The following TRDMT1 variants were observed in gnomAD, a reference collection of about 807,000 sequenced individuals.
TRDMT1 encodes the protein tRNA aspartic acid methyltransferase 1.
Under a neutral mutation model 51.2 loss-of-function variants are expected in TRDMT1, and 49 were observed. That is an observed-to-expected ratio of 0.96 (90% confidence interval 0.76 to 1.21). The LOEUF (loss-of-function observed/expected upper bound fraction) is 1.21, where lower values mean the gene tolerates loss of function less well. TRDMT1 is among the 50% of genes most tolerant of loss of function. The pLI is 0.00. For synonymous variants in TRDMT1, 187 were observed against 164.6 expected (o/e 1.14, Z -1.04); for missense variants, 534 against 462.3 (o/e 1.16, Z -1.42).
chr10:17,169,503 G>A (rs1254744516), intron 2 of TRDMT1: 1 of 1,289,770 alleles, frequency 7.8e-7, no homozygotes, highest in South Asian at 1.2e-5. Context: ...TTCCTAATGG[G>A]CTAAGTAGCT....
Position 17,148,722 on chromosome 10 carries a change from T to C in TRDMT1, c.*318A>G. On this transcript the variant is annotated 3_prime_UTR_variant, in exon 11 of 11. Transcript: ENST00000377799. ...GTTATGACACTTCACAAGATACTCA[T>C]GTAGACACTAAAGCTCTAGTGCTCC... 1.0e-6 allele frequency: 1 copy of C among 1,004,860 alleles called. No homozygotes were observed. Among genetic ancestry groups the C allele is most frequent in the South Asian group, 4.4e-5 (1 of 22,570 alleles). 62.2% of individuals were successfully genotyped at this position (1,004,860 alleles called of 1,614,324 possible).
At position 17,148,344 on chromosome 10, in the gene TRDMT1, T is replaced by C. The variant is rs1838296503; in HGVS notation, c.*696A>G. 7.1e-6 allele frequency: 7 copies of C among 985,386 alleles called. No individual in the cohort carries two copies. The highest frequency in any genetic ancestry group is 8.4e-6 in the Non-Finnish European group (7 of 829,910). 61.0% of individuals were successfully genotyped at this position (985,386 alleles called of 1,614,324 possible). A position where few individuals can be genotyped will look rare whatever the true frequency, so the allele number is the denominator to read the frequency against. On this transcript the variant is annotated 3_prime_UTR_variant, in exon 11 of 11. Coordinates refer to ENST00000377799, the MANE Select transcript of TRDMT1 (RefSeq NM_004412.7). ...CTGAGAAGACAAAAACAAGCTTTGA[T>C]AATAGTCAACTAAAGGAAAGTACAT...
At position 17,157,532 on chromosome 10, in the gene TRDMT1, A is replaced by G. The variant is rs764588311; in HGVS notation, c.796T>C (p.Tyr266His). 6.2e-7 allele frequency: 1 copy of G among 1,614,078 alleles called. No homozygotes were observed. Among genetic ancestry groups the G allele is most frequent in the East Asian group, 2.2e-5 (1 of 44,860 alleles). The part of the protein sequence containing the change: ...FLEDDTDVNQ[Y>H]LLPPKSLLRY... ...AGCAATGACTTTGGTGGTAAAAGAT[A>G]CTGGTTCACGTCAGTGTCATCTTCA... Residue 266 changes from tyrosine (Y) to histidine (H), a missense_variant, in exon 8 of 11, where the codon TAT becomes CAT. By Grantham distance (83) the Tyr-to-His change is moderately conservative (BLOSUM62 2). Transcript: ENST00000377799.
intron 6 of TRDMT1, 119 bp downstream of exon 6, chr10:17,160,186 T>C: frequency 1.9e-6 from 1 of 536,664 alleles, no homozygotes; most frequent in African/African-American, 2.0e-5. Context: ...TAAACTATTT[T>C]CAGTTTACCT....
At position 17,141,158 on chromosome 10, in the gene TRDMT1, T is replaced by G. The variant is rs965840749; in HGVS notation, c.*7882A>C. On this transcript the variant is annotated 3_prime_UTR_variant, in exon 11 of 11. Coordinates refer to ENST00000377799, the MANE Select transcript of TRDMT1 (RefSeq NM_004412.7). ...CAACGTGTCATTTTTCTCCAGCTGC[T>G]TTTATTTATTTATTTATTTTTTTGA... 6.6e-6 allele frequency among the ~76,000 whole-genome samples: 1 copy of G among 152,138 alleles called. No individual in the cohort carries two copies. The highest frequency in any genetic ancestry group is 1.9e-4 in the East Asian group (1 of 5,182).
chr10:17,153,851 A>T (rs1839121753), intron 9 of TRDMT1, among the ~76,000 whole-genome samples: 1 of 152,216 alleles, frequency 6.6e-6, no homozygotes, highest in African/African-American at 2.4e-5. Context: ...CATTCAACAG[A>T]TCAGGATATT....
rs1837487579 is a variant in TRDMT1, at chr10:17,138,466, C to T, written c.*10574G>A. On this transcript the variant is annotated 3_prime_UTR_variant, in exon 11 of 11. Transcript: ENST00000377799. Reference sequence around the variant, plus strand: ...TAAAATAATGATGGAAATCAAGGTACATTTAAAACTATTCTTTTGCTCATT... The same window carrying T: ...TAAAATAATGATGGAAATCAAGGTATATTTAAAACTATTCTTTTGCTCATT... Among the ~76,000 whole-genome samples, 1 of 152,136 alleles carries T rather than the reference C, an allele frequency of 6.6e-6. No homozygotes were observed. Among genetic ancestry groups the T allele is most frequent in the Admixed American group, 6.5e-5 (1 of 15,276 alleles).
chr10:17,190,556 T>A (rs1294436330), intron 1 of TRDMT1, among the ~76,000 whole-genome samples: 2 of 152,046 alleles, frequency 1.3e-5, no homozygotes, highest in Admixed American at 6.6e-5. Flanking sequence ...ATTTTGACAA[T>A]ATTTAAAATG....
chr10:17,162,247 T>TTAAAAAA lies in TRDMT1; in HGVS notation c.252-11_252-10insTTTTTTA. On this transcript the variant is annotated splice_polypyrimidine_tract_variant and intron_variant, in intron 3 of 10. Transcript: ENST00000377799. Reference sequence around the variant, plus strand: ...ACCCTGCCGGCCAATCCTAAAGGGGTAAAAAAAAAAAAAAACAAAAAAAAA... The same window carrying TTAAAAAA: ...ACCCTGCCGGCCAATCCTAAAGGGGTTAAAAAAAAAAAAAAAAAAAAACAAAAAAAAA... 1 of 1,352,328 alleles carries TTAAAAAA rather than the reference T, an allele frequency of 7.4e-7. No individual in the cohort carries two copies. Among genetic ancestry groups the TTAAAAAA allele is most frequent in the African/African-American group, 1.6e-5 (1 of 61,806 alleles). 83.8% of individuals were successfully genotyped at this position (1,352,328 alleles called of 1,614,324 possible).
chr10:17,144,038 A>G lies in TRDMT1; in HGVS notation c.*5002T>C. On this transcript the variant is annotated 3_prime_UTR_variant, in exon 11 of 11. Transcript: ENST00000377799. The stretch of plus-strand genomic sequence containing the variant: ...TAGAGTCATCTGGGTGTCATCGGCA[A>G]AATGGCTGAAGTTGTAGGAAAGGGT... 1 of 985,480 alleles carries G rather than the reference A, an allele frequency of 1.0e-6. No homozygotes were observed. Among genetic ancestry groups the G allele is most frequent in the Non-Finnish European group, 1.2e-6 (1 of 829,954 alleles). The allele number at this position is 985,480 out of a possible 1,614,324, so 61.0% of individuals were successfully genotyped here.
At chr10:17,179,099 T>G (rs545000217) in intron 1 of TRDMT1, among the ~76,000 whole-genome samples, 1 of 152,174 alleles carries the variant, frequency 6.6e-6, no homozygotes, top group Admixed American at 6.6e-5. Context: ...AAAGATGTTA[T>G]GTCAGGTAGT....
chr10:17,168,126 G>T (rs1026466611), intron 3 of TRDMT1, among the ~76,000 whole-genome samples: 1 of 152,022 alleles, frequency 6.6e-6, no homozygotes, highest in South Asian at 2.1e-4. Flanking sequence ...AACATAGTGA[G>T]ACGCCATCTC....
chr10:17,149,282 G>A, intron 10 of TRDMT1, 142 bp from the exon 11 acceptor site: 1 of 644,872 alleles, frequency 1.6e-6, no homozygotes, highest in Non-Finnish European at 2.6e-6. Context: ...TAACAAAAGA[G>A]AATTTGGAGC....
rs570200136 is a variant in TRDMT1, at chr10:17,159,192, A to G, written c.497T>C (p.Ile166Thr). 1 of 1,603,824 alleles carries G rather than the reference A, an allele frequency of 6.2e-7. No homozygotes were observed. The highest frequency in any genetic ancestry group is 2.3e-5 in the East Asian group (1 of 44,418). ...TAATGGCTCTGACTGAAGCTTTGCA[A>G]TAAGAAAATATCGTAGCCTTGAATT... ...IPNSRLRYFL[I>T]AKLQSEPLPF... Residue 166 changes from isoleucine to threonine, a missense_variant, in exon 7 of 11, where the codon ATT becomes ACT. Ile to Thr is a moderately conservative substitution (Grantham distance 89, BLOSUM62 -1). Coordinates refer to ENST00000377799, the MANE Select transcript of TRDMT1 (RefSeq NM_004412.7).
rs1838749239 is a variant in TRDMT1, at chr10:17,151,606, A to C, written c.1075+1901T>G. 3.0e-6 allele frequency: 3 copies of C among 985,422 alleles called. No individual in the cohort carries two copies. In the South Asian group the frequency reaches 1.4e-4, roughly 46 times the overall value. 61.0% of individuals were successfully genotyped at this position (985,422 alleles called of 1,614,324 possible). On this transcript the variant is annotated intron_variant, in intron 10 of 10. Coordinates refer to ENST00000377799, the MANE Select transcript of TRDMT1 (RefSeq NM_004412.7). ...AAAACATATCACGTATTTTAGAAGG[A>C]GGTTCAGTAATTTCAAAGGCTGTTT...
intron 1 of TRDMT1, among the ~76,000 whole-genome samples, chr10:17,181,668 AC>A (rs1377174397): frequency 1.2e-5 from 1 of 80,288 alleles, no homozygotes; most frequent in Admixed American, 1.2e-4. Context: ...TAATTGTTTG[AC>A]ATTTAGGTCA....
At chr10:17,200,377 TAA>T (rs1845988265) in intron 1 of TRDMT1, 1 of 159,772 alleles carries the variant, frequency 6.3e-6, no homozygotes, top group South Asian at 2.1e-4. Context: ...TTGATGCTGC[TAA>T]GTTTTAAAAT....
intron 1 of TRDMT1, among the ~76,000 whole-genome samples, chr10:17,188,239 T>A (rs1225604212): frequency 6.6e-6 from 1 of 152,168 alleles, no homozygotes; most frequent in Non-Finnish European, 1.5e-5. Flanking sequence ...ATCTTTAGGA[T>A]CTGTTATGAA....
At chr10:17,194,301 A>C (rs1008753238) in intron 1 of TRDMT1, among the ~76,000 whole-genome samples, 9 of 152,224 alleles carry the variant, frequency 5.9e-5, no homozygotes, top group Non-Finnish European at 8.8e-5. Flanking sequence ...ACAAAAATTG[A>C]CAAGTGGGAC....
Sources: allele counts gnomAD v4.1 joint callset (sites outside exome capture counted in the v4.1 genomes callset), GRCh38; gene constraint gnomAD v4.1.1; transcripts MANE v1.5; gene names NCBI Gene and HGNC (gene_info 2026-07-23, HGNC 2026-07-21).